The following PIGN variants were observed in gnomAD, a reference collection of about 807,000 sequenced individuals.
PIGN encodes the protein GPI ethanolamine phosphate transferase 1.
Under a neutral mutation model 125.4 loss-of-function variants are expected in PIGN, and 117 were observed. The observed-to-expected ratio is 0.93, with a 90% CI of 0.80 to 1.09. The LOEUF is 1.09. Ranked by LOEUF, PIGN falls within the 50% of genes least tolerant of loss-of-function variation. The pLI, the probability that PIGN is intolerant of heterozygous loss-of-function variation, is 0.00. For synonymous variants in PIGN, 392 were observed against 377.8 expected, an observed-to-expected ratio of 1.04 and a Z score of -0.44; for missense variants, 1,075 against 1,094.9, an observed-to-expected ratio of 0.98 and a Z score of 0.26.
rs148242294 is a variant in PIGN at position 62,066,540 on chromosome 18, G to A, written c.2672+6133C>T. Among the ~76,000 whole-genome samples the A allele has an allele frequency of 9.7e-4, 147 of 152,282 alleles. 1 individual carries two copies. The highest frequency in any genetic ancestry group is 3.4e-3 in the African/African-American group (143 of 41,546). On this transcript the variant is annotated intron_variant, in intron 30 of 30. Transcript: ENST00000640252. ...GGCAATCCTTTGACTGACATCCTGG[G>A]CCTCCTACTCAAGTTTGAGCTTCTA...
At chr18:62,038,641 CATA>C (rs1378680198), downstream of PIGN, among the ~76,000 whole-genome samples, 1 of 152,144 alleles carries the variant, frequency 6.6e-6, no homozygotes, top group Non-Finnish European at 1.5e-5. Flanking sequence ...TTATGTGGAA[CATA>C]ATAATTGGCT....
chr18:62,145,846 A>C, intron 10 of PIGN, 63 bp downstream of exon 10: 1 of 816,972 alleles, frequency 1.2e-6, no homozygotes, highest in Non-Finnish European at 2.0e-6. Flanking sequence ...ATTTCTTAAA[A>C]ATTTAAACTT....
chr18:62,155,963 A>G (rs887821958), intron 6 of PIGN, among the ~76,000 whole-genome samples: 2 of 152,182 alleles, frequency 1.3e-5, no homozygotes, highest in Admixed American at 1.3e-4. Flanking sequence ...TTCTCAATAT[A>G]TATTTTGCTT....
chr18:62,088,595 CA>C (rs1234880904), intron 25 of PIGN, 160 bp downstream of exon 25: 12 of 525,076 alleles, frequency 2.3e-5, no homozygotes, highest in African/African-American at 4.0e-5. Context: ...TTCTATAGTT[CA>C]AAAAAATTTT....
chr18:62,088,796 C>A lies in PIGN; in HGVS notation c.2330G>T (p.Arg777Leu). Residue 777 changes from arginine to leucine, a missense_variant, in exon 25 of 31, where the codon CGA (arginine) becomes CTA (leucine). This residue lies in a region of PIGN where 915 missense variants were observed against 908.7 expected (regional missense o/e 1.01). Transcript: ENST00000640252. ...FSYNTDITQF[R>L]QLYLDDIRRA... The stretch of plus-strand genomic sequence containing the variant: ...ACGGATGTCATCCAGATATAGCTGT[C>A]GAAACTGAGTTATATCAGTATTATA... 3 of 1,564,474 alleles carry A rather than the reference C, an allele frequency of 1.9e-6. No homozygotes were observed. Among genetic ancestry groups the A allele is most frequent in the Non-Finnish European group, 2.6e-6 (3 of 1,152,056 alleles).
At chr18:62,108,149 G>T (rs539539397) in intron 17 of PIGN, among the ~76,000 whole-genome samples, 1 of 152,088 alleles carries the variant, frequency 6.6e-6, no homozygotes, top group Non-Finnish European at 1.5e-5. Context: ...CAGTCAAAAG[G>T]GGAATGTTTC....
At chr18:62,046,585 G>A (rs761532592) in intron 30 of PIGN, among the ~76,000 whole-genome samples, 5 of 151,172 alleles carry the variant, frequency 3.3e-5, no homozygotes, top group Admixed American at 6.7e-5. Flanking sequence ...ACACAGCGGC[G>A]TGTGGAAAAA....
intron 7 of PIGN, chr18:62,154,328 T>C (rs2036642235): frequency 4.0e-6 from 2 of 497,798 alleles, no homozygotes; most frequent in Admixed American, 4.1e-5. Context: ...TAAATCCTAA[T>C]CTAGGGCTCA....
At chr18:62,041,024 T>C (rs2030354210), downstream of PIGN, 1 of 152,202 alleles carries the variant, frequency 6.6e-6, no homozygotes, top group Admixed American at 6.5e-5. Context: ...AATAATAATT[T>C]TAGATTTTAG....
At chr18:62,036,276 A>T (rs974900), downstream of PIGN, among the ~76,000 whole-genome samples, 10 of 145,990 alleles carry the variant, frequency 6.8e-5, no homozygotes, top group East Asian at 1.0e-3. Context: ...TTTTTTTTTT[A>T]AAGATTTTTT....
intron 8 of PIGN, 132 bp downstream of exon 8, chr18:62,148,082 C>T (rs1249502614): frequency 1.6e-6 from 1 of 632,396 alleles, no homozygotes; most frequent in Non-Finnish European, 2.5e-6. Flanking sequence ...TAATTGAGAA[C>T]TTAATAAACA....
chr18:62,165,347 T>TA (rs1261760963), intron 1 of PIGN, among the ~76,000 whole-genome samples: 1 of 152,182 alleles, frequency 6.6e-6, no homozygotes. Context: ...CTCTTTTCTT[T>TA]ATACATTACC....
At chr18:62,064,827 T>A (rs1433635583) in intron 30 of PIGN, among the ~76,000 whole-genome samples, 1 of 151,666 alleles carries the variant, frequency 6.6e-6, no homozygotes, top group Non-Finnish European at 1.5e-5. Context: ...AACAATACAA[T>A]CCCCCAATTA....
chr18:62,179,936 A>T (rs1356198681), intron 1 of PIGN, among the ~76,000 whole-genome samples: 1 of 152,216 alleles, frequency 6.6e-6, no homozygotes, highest in African/African-American at 2.4e-5. Context: ...AAAGCCTTAT[A>T]AATGATCTCA....
At chr18:62,077,909 T>C (rs1162983604) in intron 28 of PIGN, among the ~76,000 whole-genome samples, 2 of 152,240 alleles carry the variant, frequency 1.3e-5, no homozygotes, top group Non-Finnish European at 2.9e-5. Flanking sequence ...TCTCTTTCCT[T>C]AGCTTGTAAA....
intron 23 of PIGN, among the ~76,000 whole-genome samples, chr18:62,024,125 C>T (rs1482522095): frequency 2.0e-5 from 3 of 152,130 alleles, no homozygotes; most frequent in Admixed American, 1.3e-4. Context: ...AACTAGAAAC[C>T]ACTTGAATAG....
At chr18:62,025,375 T>C (rs1275859553) in intron 23 of PIGN, among the ~76,000 whole-genome samples, 2 of 152,224 alleles carry the variant, frequency 1.3e-5, no homozygotes, top group Non-Finnish European at 2.9e-5. Flanking sequence ...TGGTCTTTTT[T>C]TCCCCACTTA....
At chr18:62,134,946 T>A (rs1339128454) in intron 14 of PIGN, among the ~76,000 whole-genome samples, 2 of 152,224 alleles carry the variant, frequency 1.3e-5, no homozygotes, top group Non-Finnish European at 1.5e-5. Flanking sequence ...GTATACATCA[T>A]GTCCTTAATT....
intron 14 of PIGN, among the ~76,000 whole-genome samples, chr18:62,124,064 A>G (rs1795452315): frequency 6.6e-6 from 1 of 152,152 alleles, no homozygotes; most frequent in Non-Finnish European, 1.5e-5. Flanking sequence ...GTGTTATGAC[A>G]CTAAACTTGT....
Sources: allele counts gnomAD v4.1 joint callset (sites outside exome capture counted in the v4.1 genomes callset), GRCh38; gene constraint gnomAD v4.1.1; regional missense constraint gnomAD v4.1.1; transcripts MANE v1.5; gene names NCBI Gene and HGNC (gene_info 2026-07-23, HGNC 2026-07-21).